NLRP14: variants seen among roughly 807,000 people sequenced by gnomAD.
NLRP14 encodes the protein NLR family pyrin domain containing 14.
NLRP14 carries 105 observed loss-of-function variants against 94.7 expected under a neutral mutation model. The ratio of observed to expected loss-of-function variants is 1.11; its 90% CI spans 0.95 to 1.30. NLRP14 has a LOEUF of 1.30. Among genes scored for constraint, NLRP14 ranks in the 50% most tolerant of loss-of-function variants. NLRP14 has a pLI of 0.00. For synonymous variants in NLRP14, 508 were observed against 459.9 expected (o/e 1.10, Z -1.34); for missense variants, 1,362 against 1,254.1 (o/e 1.09, Z -1.30).
At chr11:7,058,114 A>G (rs1357086101) in intron 7 of NLRP14, among the ~76,000 whole-genome samples, 166 bp from the exon 8 acceptor site, 1 of 151,580 alleles carries the variant, frequency 6.6e-6, no homozygotes, top group Non-Finnish European at 1.5e-5. Context: ...GTTTCATCAT[A>G]TCCTGCATAC....
At chr11:7,047,609 C>T (rs2119638957) in intron 5 of NLRP14, among the ~76,000 whole-genome samples, 1 of 150,748 alleles carries the variant, frequency 6.6e-6, no homozygotes, top group South Asian at 2.1e-4. Context: ...TCCAGCCTAT[C>T]CCTTTCTGTT....
Position 7,071,024 on chromosome 11 carries a change from C to A in NLRP14, c.3147-149C>A, listed in dbSNP as rs572153714. 30 of 777,178 alleles carry A rather than the reference C, an allele frequency of 3.9e-5. No individual in the cohort carries two copies. In the Admixed American group the frequency reaches 6.5e-4, roughly 17 times the overall value. 48.1% of individuals were successfully genotyped at this position (777,178 alleles called of 1,614,324 possible). ...CTCCCTCACTGTATCTCTCTCAGTT[C>A]GCTTCCCCACTCCTCACCCATGTTA... On this transcript the variant is annotated intron_variant, in intron 11 of 11. Coordinates refer to ENST00000299481, the MANE Select transcript of NLRP14 (RefSeq NM_176822.4).
intron 6 of NLRP14, among the ~76,000 whole-genome samples, chr11:7,055,987 TA>T (rs1301611287): frequency 1.3e-5 from 2 of 152,054 alleles, no homozygotes; most frequent in Non-Finnish European, 1.5e-5. Context: ...GGCTTACATT[TA>T]GGGGTCAGTT....
chr11:7,046,965 A>AGGCCGGGCGCGGTGGCTC, intron 5 of NLRP14, 133 bp downstream of exon 5: 1 of 750,940 alleles, frequency 1.3e-6, no homozygotes, highest in Non-Finnish European at 2.4e-6. Context: ...AAACAGGAAC[A>AGGCCGGGCGCGGTGGCTC]ATGGAATCCT....
intron 1 of NLRP14, among the ~76,000 whole-genome samples, chr11:7,037,526 A>C (rs556573880): frequency 6.6e-6 from 1 of 152,178 alleles, no homozygotes; most frequent in Non-Finnish European, 1.5e-5. Context: ...TACTAGCTCT[A>C]TCTCTTCAGG....
chr11:7,059,870 T>C, intron 8 of NLRP14, 24 bp from the exon 9 acceptor site: 1 of 1,599,286 alleles, frequency 6.3e-7, no homozygotes, highest in Non-Finnish European at 8.6e-7. Flanking sequence ...GATTCCATCT[T>C]TCTTCACATT....
At chr11:7,031,252 G>C (rs1852090648) in intron 1 of NLRP14, among the ~76,000 whole-genome samples, 1 of 152,184 alleles carries the variant, frequency 6.6e-6, no homozygotes, top group Non-Finnish European at 1.5e-5. Flanking sequence ...CTCTTCTCTG[G>C]ATGCGTACTT....
intron 6 of NLRP14, among the ~76,000 whole-genome samples, chr11:7,053,987 A>G (rs1852481556): frequency 1.3e-5 from 2 of 151,696 alleles, no homozygotes; most frequent in African/African-American, 2.4e-5. Flanking sequence ...CCATCATTCT[A>G]CTCTCTATGT....
intron 1 of NLRP14, among the ~76,000 whole-genome samples, chr11:7,033,511 TTCTATTCCTGAATATTACATTTA>T (rs1398611304): frequency 2.0e-5 from 3 of 152,224 alleles, no homozygotes; most frequent in Non-Finnish European, 2.9e-5. Flanking sequence ...TATTACATTT[TTCTATTCCTGAATATTACATTTA>T]CATTTATTAT....
Position 7,038,678 on chromosome 11 carries a change from A to C in NLRP14, c.92A>C (p.Lys31Thr), listed in dbSNP as rs1418015088. 3 of 1,613,778 alleles carry C rather than the reference A, an allele frequency of 1.9e-6. No homozygotes were observed. Among genetic ancestry groups the C allele is most frequent in the Non-Finnish European group, 2.5e-6 (3 of 1,179,692 alleles). ...AACAAAGAGGAATTAAATACATTCA[A>C]GTTATTCCTAAAGGAGACCATGGAA... Reference protein sequence around the residue: ...ELNKEELNTFKLFLKETMEPE... With the variant: ...ELNKEELNTFTLFLKETMEPE... The change falls in exon 2 of 12, where the codon AAG (lysine) becomes ACG (threonine). Residue 31 changes from lysine to threonine, a missense_variant. Lys to Thr is a moderately conservative substitution (Grantham distance 78). Transcript: ENST00000299481.
At chr11:7,044,845 T>C (rs1471049072) in intron 4 of NLRP14, among the ~76,000 whole-genome samples, 2 of 152,182 alleles carry the variant, frequency 1.3e-5, no homozygotes, top group African/African-American at 4.8e-5. Context: ...CAGAGACATA[T>C]ACCTAGAAAA....
chr11:7,030,478 T>A (rs1296231687), intron 1 of NLRP14, among the ~76,000 whole-genome samples: 1 of 152,182 alleles, frequency 6.6e-6, no homozygotes, highest in Non-Finnish European at 1.5e-5. Context: ...GCCTTAGCAG[T>A]GGCTTCTCTT....
intron 10 of NLRP14, among the ~76,000 whole-genome samples, chr11:7,063,007 G>A (rs1852649426): frequency 6.6e-6 from 1 of 152,038 alleles, no homozygotes; most frequent in Non-Finnish European, 1.5e-5. Flanking sequence ...ATTGACCTCA[G>A]GGTCAAGAAT....
At chr11:7,088,922 T>C in the NLRP14 span, 167,943 of 624,432 alleles carry the variant, frequency 0.27, 24,129 homozygotes, top group African/African-American at 0.4. Context: ...GACGGCGAAT[T>C]GGCCCTCTGG....
chr11:7,074,690 G>GGTTGGAATTTTCAGCACTCCC (rs1852851947), downstream of NLRP14, among the ~76,000 whole-genome samples: 2 of 152,150 alleles, frequency 1.3e-5, no homozygotes, highest in African/African-American at 4.8e-5. Context: ...AGTGATTGAG[G>GGTTGGAATTTTCAGCACTCCC]CATAAGTCTC....
intron 1 of NLRP14, among the ~76,000 whole-genome samples, chr11:7,034,088 G>A (rs759095075): frequency 6.6e-6 from 1 of 152,222 alleles, no homozygotes; most frequent in Non-Finnish European, 1.5e-5. Flanking sequence ...CACAGTCAGC[G>A]CTCTGGGAGG....
At chr11:7,081,621 T>C in the NLRP14 span, among the ~76,000 whole-genome samples, 6 of 152,322 alleles carry the variant, frequency 3.9e-5, no homozygotes, top group East Asian at 1.2e-3. Flanking sequence ...GGGTGCTCTA[T>C]ACACTTGTGA....
At chr11:7,025,378 G>T (rs1252301650) in intron 1 of NLRP14, among the ~76,000 whole-genome samples, 1 of 152,088 alleles carries the variant, frequency 6.6e-6, no homozygotes, top group Admixed American at 6.5e-5. Context: ...TTCAGAGCCT[G>T]TATCACTCAG....
At chr11:7,028,867 T>C (rs114165017) in intron 1 of NLRP14, among the ~76,000 whole-genome samples, 1,941 of 152,296 alleles carry the variant, frequency 0.013, 36 homozygotes, top group African/African-American at 0.044. Context: ...CTTTATCTTT[T>C]ATGGATCCAT....
Sources: gnomAD v4.1 joint callset for allele counts (sites outside exome capture counted in the v4.1 genomes callset) on GRCh38, gnomAD v4.1.1 for gene constraint, MANE v1.5 for transcripts, NCBI Gene and HGNC (gene_info 2026-07-23, HGNC 2026-07-21) for gene names.